The following RB1 variants were observed in gnomAD, a reference collection of about 807,000 sequenced individuals.
RB1 encodes the protein RB transcriptional corepressor 1.
Under a neutral mutation model 135.4 loss-of-function variants are expected in RB1, and 18 were observed. The observed-to-expected ratio is 0.13, with a 90% CI of 0.09 to 0.20. RB1 has a LOEUF of 0.20. RB1 is among the 10% of genes least tolerant of loss of function. The pLI is 1.00. For synonymous variants in RB1, 365 were observed against 373.2 expected (o/e 0.98, Z 0.25); for missense variants, 868 against 1,110.0 (o/e 0.78, Z 3.10).
chr13:48,391,825 A>G lies in RB1; in HGVS notation c.1695+10382A>G, dbSNP rs555673600. ...GTAGAGAAAGGGTTTCACCATGTTG[A>G]TCAGGCTGGTCTCGAACTCCTGACC... On this transcript the variant is annotated intron_variant, in intron 17 of 26. Transcript: ENST00000267163. Among the ~76,000 whole-genome samples the G allele has an allele frequency of 7.2e-5, 11 of 151,850 alleles. No individual in the cohort carries two copies. In the East Asian group the frequency reaches 2.2e-3, roughly 30 times the overall value.
intron 17 of RB1, among the ~76,000 whole-genome samples, chr13:48,388,527 C>A (rs1351076451): frequency 1.3e-5 from 2 of 152,040 alleles, no homozygotes; most frequent in East Asian, 3.9e-4. Context: ...TCATCATAAT[C>A]CATGAGGTAG....
chr13:48,344,978 A>C, intron 3 of RB1, 102 bp from the exon 4 acceptor site: 4 of 1,358,070 alleles, frequency 2.9e-6, no homozygotes, highest in Non-Finnish European at 4.1e-6. Flanking sequence ...GATTTGATGT[A>C]GAGCTGATAA....
At chr13:48,364,733 AC>A (rs142789458) in intron 8 of RB1, among the ~76,000 whole-genome samples, 160 bp from the exon 9 acceptor site, 1 of 151,940 alleles carries the variant, frequency 6.6e-6, no homozygotes, top group Non-Finnish European at 1.5e-5. Context: ...ATATAGAGAG[AC>A]CCCTTCTCTA....
intron 17 of RB1, among the ~76,000 whole-genome samples, chr13:48,418,796 A>G (rs1288127032): frequency 2.0e-5 from 3 of 152,178 alleles, no homozygotes; most frequent in African/African-American, 7.2e-5. Context: ...CAAGAAGGGC[A>G]TTACATAATG....
intron 2 of RB1, among the ~76,000 whole-genome samples, chr13:48,321,455 C>A (rs1179417763): frequency 2.6e-5 from 4 of 151,400 alleles, no homozygotes; most frequent in Non-Finnish European, 5.9e-5. Flanking sequence ...CTCATTCTGA[C>A]TGTGATAAGG....
intron 2 of RB1, among the ~76,000 whole-genome samples, chr13:48,324,874 GT>G (rs1052818953): frequency 4.1e-5 from 6 of 145,422 alleles, no homozygotes; most frequent in African/African-American, 5.1e-5. Flanking sequence ...TTTTGTTTTT[GT>G]TTTTTTTTAC....
intron 17 of RB1, among the ~76,000 whole-genome samples, chr13:48,440,625 G>A (rs1420310443): frequency 1.3e-5 from 2 of 152,044 alleles, no homozygotes; most frequent in Admixed American, 6.6e-5. Context: ...TATGATCAAG[G>A]GCTAGAGTCA....
intron 2 of RB1, among the ~76,000 whole-genome samples, chr13:48,315,804 TA>T (rs145119233): frequency 0.051 from 7,825 of 152,294 alleles, 629 homozygotes; most frequent in African/African-American, 0.17. Flanking sequence ...TGTGCTGCAA[TA>T]AACAAGTGCA....
chr13:48,326,463 T>C (rs1364755290), intron 2 of RB1, among the ~76,000 whole-genome samples: 2 of 152,144 alleles, frequency 1.3e-5, no homozygotes, highest in Non-Finnish European at 2.9e-5. Context: ...GGTTAATATT[T>C]CATTTGGGTC....
intron 5 of RB1, among the ~76,000 whole-genome samples, chr13:48,348,398 A>C (rs1436965048): frequency 1.3e-5 from 2 of 151,908 alleles, no homozygotes; most frequent in Non-Finnish European, 2.9e-5. Flanking sequence ...TTGTATATTT[A>C]CTGATTAATT....
At chr13:48,380,573 T>A (rs1029346963) in intron 16 of RB1, among the ~76,000 whole-genome samples, 6 of 152,160 alleles carry the variant, frequency 3.9e-5, no homozygotes, top group Non-Finnish European at 8.8e-5. Context: ...CCTCTACTGA[T>A]ATGGAAGCAC....
chr13:48,396,608 C>A (rs1338540457), intron 17 of RB1, among the ~76,000 whole-genome samples: 5 of 152,204 alleles, frequency 3.3e-5, no homozygotes, highest in Admixed American at 3.3e-4. Context: ...ATGACCAAAA[C>A]ACCAAAAGCA....
intron 17 of RB1, among the ~76,000 whole-genome samples, chr13:48,386,704 A>T (rs908578491): frequency 1.3e-5 from 2 of 152,204 alleles, no homozygotes; most frequent in Non-Finnish European, 2.9e-5. Context: ...AGAAACTTGT[A>T]TCCACCACTG....
At chr13:48,453,231 G>A in intron 18 of RB1, 120 bp downstream of exon 18, 1 of 1,045,768 alleles carries the variant, frequency 9.6e-7, no homozygotes, top group Non-Finnish European at 1.4e-6. Flanking sequence ...AATAGTTTCT[G>A]TTTTTAAGAA....
At position 48,368,572 on chromosome 13, in the gene RB1, G is replaced by C. The variant is rs750094760; in HGVS notation, c.1095G>C (p.Glu365Asp). 16 of 1,613,256 alleles carry C rather than the reference G, an allele frequency of 9.9e-6. No individual in the cohort carries two copies. In the East Asian group the frequency reaches 3.1e-4, roughly 32 times the overall value. ...CACGAAAAAGTAACCTTGATGAAGAGGTGAATGTAATTCCTCCACACACTC... is the reference window on the plus strand; with the variant it reads ...CACGAAAAAGTAACCTTGATGAAGACGTGAATGTAATTCCTCCACACACTC... Reference protein sequence around the residue: ...RTPRKSNLDEEVNVIPPHTPV... With the variant: ...RTPRKSNLDEDVNVIPPHTPV... The change falls in exon 11 of 27, where the codon GAG becomes GAC. Residue 365 changes from glutamate (E) to aspartate (D), a missense_variant. Coordinates refer to ENST00000267163, the MANE Select transcript of RB1 (RefSeq NM_000321.3).
intron 2 of RB1, chr13:48,328,313 A>G (rs1266639604): frequency 2.5e-6 from 4 of 1,590,300 alleles, no homozygotes; most frequent in Non-Finnish European, 3.5e-6. Context: ...TTGGAGCAAG[A>G]GTTGGAACAG....
chr13:48,333,175 G>C, intron 2 of RB1: 1 of 396,006 alleles, frequency 2.5e-6, no homozygotes, highest in African/African-American at 2.1e-5. Flanking sequence ...TTTTTCGTTT[G>C]TCAATTGTAC....
rs768768956 is a variant in RB1, at chr13:48,345,095, T to C, written c.396T>C (p.Phe132=). Residue 132 remains phenylalanine (F), a synonymous_variant, in exon 4 of 27, where the codon TTT becomes TTC. Coordinates refer to ENST00000267163, the MANE Select transcript of RB1 (RefSeq NM_000321.3). The part of the protein sequence containing the change: ...KNIEISVHKF[F]NLLKEIDTST... The stretch of plus-strand genomic sequence containing the variant: ...TCCTTTGTAGTGTCCATAAATTCTT[T>C]AACTTACTAAAAGAAATTGATACCA... 3 of 1,612,092 alleles carry C rather than the reference T, an allele frequency of 1.9e-6. No homozygotes were observed. Among genetic ancestry groups the C allele is most frequent in the Non-Finnish European group, 8.5e-7 (1 of 1,179,076 alleles).
At chr13:48,438,129 G>A (rs9535032) in intron 17 of RB1, among the ~76,000 whole-genome samples, 83,997 of 151,990 alleles carry the variant, frequency 0.55, 27,922 homozygotes, top group Non-Finnish European at 0.72. Context: ...ATCCTTCAGC[G>A]AGTTTATATT....
Sources: allele counts gnomAD v4.1 joint callset (sites outside exome capture counted in the v4.1 genomes callset), GRCh38; gene constraint gnomAD v4.1.1; transcripts MANE v1.5; gene names NCBI Gene and HGNC (gene_info 2026-07-23, HGNC 2026-07-21).